The following RAP1GAP variants were observed in gnomAD, a reference collection of about 807,000 sequenced individuals.
RAP1GAP encodes the protein RAP1 GTPase activating protein, also known as rap1 GTPase-activating protein 1.
RAP1GAP carries 35 observed loss-of-function variants against 87.2 expected under a neutral mutation model. The observed-to-expected ratio is 0.40, with a 90% CI of 0.31 to 0.53. The LOEUF (loss-of-function observed/expected upper bound fraction) is 0.53. Ranked by LOEUF, RAP1GAP falls within the 20% of genes least tolerant of loss-of-function variation. RAP1GAP has a pLI of 0.48. For synonymous variants in RAP1GAP, 375 were observed against 363.9 expected, an observed-to-expected ratio of 1.03 and a Z score of -0.35; for missense variants, 734 against 898.9, an observed-to-expected ratio of 0.82 and a Z score of 2.35.
At chr1:21,632,879 G>A (rs527679532) in intron 2 of RAP1GAP, among the ~76,000 whole-genome samples, 83 of 152,214 alleles carry the variant, frequency 5.5e-4, no homozygotes, top group Admixed American at 1.0e-3. Flanking sequence ...CAGCCCTGGC[G>A]ACAGAGCAAG....
intron 2 of RAP1GAP, among the ~76,000 whole-genome samples, chr1:21,644,715 T>C (rs2095854677): frequency 6.6e-6 from 1 of 151,906 alleles, no homozygotes; most frequent in Middle Eastern, 3.2e-3. Flanking sequence ...CTGGCCAAGA[T>C]GGTGAAACCC....
At chr1:21,652,749 G>A (rs2096667186) in intron 1 of RAP1GAP, among the ~76,000 whole-genome samples, 1 of 152,160 alleles carries the variant, frequency 6.6e-6, no homozygotes, top group Non-Finnish European at 1.5e-5. Context: ...CTCTTCCTCA[G>A]AGTAAGCTGT....
At chr1:21,608,700 A>G (rs1027245798) in intron 16 of RAP1GAP, 150 bp downstream of exon 16, 10 of 770,114 alleles carry the variant, frequency 1.3e-5, no homozygotes, top group Non-Finnish European at 2.1e-5. Flanking sequence ...CCTCTCCCCG[A>G]CCTCCTACTC....
At chr1:21,647,342 T>C (rs10157126) in intron 2 of RAP1GAP, among the ~76,000 whole-genome samples, 29,191 of 152,090 alleles carry the variant, frequency 0.19, 2,924 homozygotes, top group East Asian at 0.28. Flanking sequence ...CATGCACCTG[T>C]GGTCCCAACT....
chr1:21,599,551 G>T lies in RAP1GAP; in HGVS notation c.1719C>A (p.Ser573Arg). Residue 573 changes from serine (S) to arginine (R), a missense_variant, in exon 21 of 25, where the codon AGC becomes AGA. Ser to Arg is a moderately radical substitution (Grantham distance 110, BLOSUM62 -1). This residue lies in a region of RAP1GAP where 249 missense variants were observed against 252.7 expected (regional missense o/e 0.99). Transcript: ENST00000374765. ...KDFSRSSSSA[S>R]SFASVVEETE... is the part of the protein sequence containing the mutation. The stretch of plus-strand genomic sequence containing the variant: ...TCTCCTCCACCACGCTGGCGAAGCT[G>T]CTGGCACTGGACGAGGAGCGGGAGA... The T allele has an allele frequency of 6.2e-7, 1 of 1,609,748 alleles. No homozygotes were observed.
At chr1:21,637,546 C>T (rs1223928915) in intron 2 of RAP1GAP, among the ~76,000 whole-genome samples, 1 of 152,044 alleles carries the variant, frequency 6.6e-6, no homozygotes, top group Non-Finnish European at 1.5e-5. Context: ...ATTCTTTGGT[C>T]CAGCAACCCC....
At chr1:21,607,603 T>C (rs1213812582) in intron 17 of RAP1GAP, among the ~76,000 whole-genome samples, 1 of 152,148 alleles carries the variant, frequency 6.6e-6, no homozygotes, top group Non-Finnish European at 1.5e-5. Context: ...CTTCTCTTCC[T>C]GCTGACCTAG....
intron 7 of RAP1GAP, among the ~76,000 whole-genome samples, chr1:21,614,465 CTG>C (rs2080665316): frequency 6.6e-6 from 1 of 152,210 alleles, no homozygotes; most frequent in East Asian, 1.9e-4. Flanking sequence ...ACCTGCATGC[CTG>C]TCTTCAGCCC....
In RAP1GAP at chr1:21,613,550, G is replaced by A. The variant is rs535429077; in HGVS notation, c.474+78C>T. The A allele has an allele frequency of 6.7e-6, 9 of 1,342,982 alleles. No homozygotes were observed. In the East Asian group the frequency reaches 6.9e-5, roughly 10 times the overall value. 83.2% of individuals were successfully genotyped at this position (1,342,982 alleles called of 1,614,324 possible). A position where few individuals can be genotyped will look rare whatever the true frequency, so the allele number is the denominator to read the frequency against. ...GCTAGGGCCTACAGCTGAAGGGGAC[G>A]CGCCAAGGCAAGCTGAAGCCCCACA... On this transcript the variant is annotated intron_variant, in intron 9 of 24. Coordinates refer to ENST00000374765, the MANE Select transcript of RAP1GAP (RefSeq NM_002885.4). This position sits in a 1 kb window ranked among gnomAD's most constrained non-coding sequence, Gnocchi z 4.7.
chr1:21,617,004 G>A (rs1049976269), intron 7 of RAP1GAP, among the ~76,000 whole-genome samples: 1 of 152,232 alleles, frequency 6.6e-6, no homozygotes, highest in African/African-American at 2.4e-5. Context: ...GAGAAGTTAA[G>A]CGATTTACCC....
rs548202652 is a variant in RAP1GAP, at chr1:21,603,713, C to T, written c.1429-800G>A. The stretch of plus-strand genomic sequence containing the variant: ...GGAGCTGCCGCCACTCCATCCCGCA[C>T]GCCCTGGGGCCTGTCCCGGGGGCAG... On this transcript the variant is annotated intron_variant, in intron 18 of 24. Transcript: ENST00000374765. This position sits in a 1 kb window ranked among gnomAD's most constrained non-coding sequence, Gnocchi z 6.0. 556 of 1,089,596 alleles carry T rather than the reference C, an allele frequency of 5.1e-4. 6 individuals carry two copies. In the South Asian group the frequency reaches 5.9e-3, roughly 12 times the overall value. 67.5% of individuals were successfully genotyped at this position (1,089,596 alleles called of 1,614,324 possible). A position where few individuals can be genotyped will look rare whatever the true frequency, so the allele number is the denominator to read the frequency against.
intron 2 of RAP1GAP, chr1:21,627,045 C>G (rs2092414915): frequency 2.2e-6 from 1 of 455,048 alleles, no homozygotes; most frequent in African/African-American, 2.0e-5. Context: ...TCTGCCCACA[C>G]CACACCCTTC....
intron 16 of RAP1GAP, 107 bp downstream of exon 16, chr1:21,608,743 G>T (rs368325201): frequency 2.6e-6 from 3 of 1,169,292 alleles, no homozygotes; most frequent in African/African-American, 1.5e-5. Flanking sequence ...AGGTGTCCCC[G>T]CTAAGGCCAA....
Position 21,599,485 on chromosome 1 carries a change from G to A in RAP1GAP, c.1776+9C>T, listed in dbSNP as rs1438587321. The A allele has an allele frequency of 6.2e-7, 1 of 1,606,698 alleles. No homozygotes were observed. Among genetic ancestry groups the A allele is most frequent in the Non-Finnish European group, 8.5e-7 (1 of 1,179,160 alleles). ...CCTGTGGGGCCCCTGACCCCCCTGA[G>A]CCTCTCACCAGGCCTGTGTCCTCTC... On this transcript the variant is annotated intron_variant, in intron 21 of 24. Transcript: ENST00000374765.
Position 21,669,345 on chromosome 1 carries a change from GCC to G in RAP1GAP, c.-242_-241del, listed in dbSNP as rs1344884914. 1 of 1,066,862 alleles carries G rather than the reference GCC, an allele frequency of 9.4e-7. No individual in the cohort carries two copies. Among genetic ancestry groups the G allele is most frequent in the Non-Finnish European group, 1.1e-6 (1 of 878,374 alleles). The allele number at this position is 1,066,862 out of a possible 1,614,324, so 66.1% of individuals were successfully genotyped here. A position where few individuals can be genotyped will look rare whatever the true frequency, so the allele number is the denominator to read the frequency against. ...TGCTCAGATGCGGCCGGCGCTCGCC[GCC>G]GCCGCAGTTCGGGGAGGGGGACGTC... is the stretch of plus-strand genomic sequence containing the variant. On this transcript the variant is annotated 5_prime_UTR_variant, in exon 1 of 25. Coordinates refer to ENST00000374765, the MANE Select transcript of RAP1GAP (RefSeq NM_002885.4). The surrounding 1 kb of genome is among the most constrained non-coding windows in gnomAD (Gnocchi z 5.6).
At chr1:21,659,637 C>G (rs1348664106) in intron 1 of RAP1GAP, among the ~76,000 whole-genome samples, 1 of 152,222 alleles carries the variant, frequency 6.6e-6, no homozygotes. Flanking sequence ...ACAACAGCCC[C>G]GTGAGGCTGA....
intron 2 of RAP1GAP, among the ~76,000 whole-genome samples, chr1:21,640,362 G>T (rs979060664): frequency 1.3e-5 from 2 of 152,190 alleles, no homozygotes; most frequent in African/African-American, 4.8e-5. Flanking sequence ...TTCATGGTGT[G>T]ACCATTAAGC....
intron 2 of RAP1GAP, among the ~76,000 whole-genome samples, chr1:21,648,249 A>G (rs1461767836): frequency 1.3e-5 from 2 of 152,168 alleles, no homozygotes; most frequent in African/African-American, 2.4e-5. Context: ...GGCCAGTTAC[A>G]ATCAGTCCTG....
At chr1:21,621,109 G>C (rs909744717) in intron 3 of RAP1GAP, among the ~76,000 whole-genome samples, 1 of 152,158 alleles carries the variant, frequency 6.6e-6, no homozygotes, top group African/African-American at 2.4e-5. Context: ...AGTACCAGGA[G>C]AGATACACAC....
Sources: gnomAD v4.1 joint callset for allele counts (sites outside exome capture counted in the v4.1 genomes callset) on GRCh38, gnomAD v4.1.1 for gene constraint, gnomAD v4.1.1 regional missense constraint, Gnocchi (gnomAD v3.1) non-coding constraint, MANE v1.5 for transcripts, NCBI Gene and HGNC (gene_info 2026-07-23, HGNC 2026-07-21) for gene names.